The following KLHL36 variants were observed in gnomAD, a reference collection of about 807,000 sequenced individuals.
KLHL36 encodes the protein kelch-like protein 36.
KLHL36 carries 35 observed loss-of-function variants against 53.3 expected under a neutral mutation model. That is an observed-to-expected ratio of 0.66 (90% CI 0.50 to 0.87). The LOEUF is 0.87. Ranked by LOEUF, KLHL36 falls within the 40% of genes least tolerant of loss-of-function variation. KLHL36 has a pLI of 0.00. For missense variants in KLHL36, 864 were observed against 897.6 expected (o/e 0.96, Z 0.48); for synonymous variants, 472 against 398.9 (o/e 1.18, Z -2.18).
chr16:84,650,813 G>A (rs904057070), intron 1 of KLHL36, 39 bp from the exon 2 acceptor site: 1 of 1,458,306 alleles, frequency 6.9e-7, no homozygotes, highest in Non-Finnish European at 9.6e-7. Flanking sequence ...ATGACCTAGA[G>A]TTATGACTGC....
chr16:84,649,034 G>C (rs1906648299), intron 1 of KLHL36: 1 of 152,232 alleles, frequency 6.6e-6, no homozygotes, highest in African/African-American at 2.4e-5. Flanking sequence ...CCGGCGAGCC[G>C]GTGTCAGCAG....
intron 4 of KLHL36, 93 bp downstream of exon 4, chr16:84,660,010 TC>T (rs1907455043): frequency 1.6e-6 from 2 of 1,233,478 alleles, no homozygotes; most frequent in Non-Finnish European, 2.3e-6. Context: ...CATGTTGGCC[TC>T]CAATTCCAGG....
intron 2 of KLHL36, 134 bp from the exon 3 acceptor site, chr16:84,656,737 G>T (rs1163748566): frequency 1.5e-6 from 1 of 672,708 alleles, no homozygotes; most frequent in East Asian, 2.5e-5. Context: ...ACTTCCTGCA[G>T]TGCCCTCTGA....
Position 84,657,804 on chromosome 16 carries a change from G to C in KLHL36, c.997G>C (p.Ala333Pro). 6.2e-7 allele frequency: 1 copy of C among 1,605,594 alleles called. No homozygotes were observed. The highest frequency in any genetic ancestry group is 8.5e-7 in the Non-Finnish European group (1 of 1,174,696). The change falls in exon 3 of 5, where the codon GCC becomes CCC. Residue 333 changes from alanine to proline, a missense_variant. Transcript: ENST00000564996. ...GTGGGTCAAAGAGACGCCGCTGCCC[G>C]CCCGGCGGAGCCACCACTGTGTCGC... Reference protein sequence around the residue: ...EQWVKETPLPARRSHHCVAVL... With the variant: ...EQWVKETPLPPRRSHHCVAVL...
chr16:84,659,795 C>T lies in KLHL36; in HGVS notation c.1173C>T (p.Tyr391=), dbSNP rs1489119021. 1 of 1,614,170 alleles carries T rather than the reference C, an allele frequency of 6.2e-7. No individual in the cohort carries two copies. Among genetic ancestry groups the T allele is most frequent in the South Asian group, 1.1e-5 (1 of 91,088 alleles). ...TGAACCAGCGCCGTGTGGATTTCTA[C>T]CTTGCCTCCATCGAAGACATGCTGG... The part of the protein sequence containing the change: ...ASMNQRRVDF[Y]LASIEDMLVA... The change falls in exon 4 of 5, where the codon TAC becomes TAT. Residue 391 remains tyrosine, a synonymous_variant. Transcript: ENST00000564996.
chr16:84,649,659 C>T (rs1316976565), intron 1 of KLHL36, among the ~76,000 whole-genome samples: 1 of 152,210 alleles, frequency 6.6e-6, no homozygotes, highest in South Asian at 2.1e-4. Flanking sequence ...ATCCAGTTGC[C>T]CCTTCTCTCC....
chr16:84,655,929 G>A (rs1310895456), intron 2 of KLHL36, among the ~76,000 whole-genome samples: 1 of 151,354 alleles, frequency 6.6e-6, no homozygotes, highest in Non-Finnish European at 1.5e-5. Context: ...GTTTCTTTTT[G>A]TCGTCCAGGC....
intron 2 of KLHL36, among the ~76,000 whole-genome samples, chr16:84,652,989 G>A (rs1197504078): frequency 2.6e-5 from 4 of 152,134 alleles, no homozygotes; most frequent in Admixed American, 6.5e-5. Context: ...AGGCCGAGGC[G>A]GGAGGATCTC....
chr16:84,651,419 G>A (rs1906870690), intron 2 of KLHL36, among the ~76,000 whole-genome samples: 1 of 152,144 alleles, frequency 6.6e-6, no homozygotes, highest in African/African-American at 2.4e-5. Context: ...GTTCCCCAGA[G>A]CCAGGCTACT....
chr16:84,652,213 G>A (rs780156020), intron 2 of KLHL36, among the ~76,000 whole-genome samples: 4 of 152,020 alleles, frequency 2.6e-5, no homozygotes, highest in African/African-American at 4.8e-5. Flanking sequence ...CCCTGAGTTT[G>A]TTTCTGTCTG....
At chr16:84,658,121 A>C in intron 3 of KLHL36, 177 bp downstream of exon 3, 1 of 539,254 alleles carries the variant, frequency 1.9e-6, no homozygotes, top group Non-Finnish European at 3.2e-6. Flanking sequence ...AGGGAGAGGG[A>C]GAGCCGACCC....
intron 3 of KLHL36, 68 bp from the exon 4 acceptor site, chr16:84,659,692 C>A: frequency 2.0e-6 from 3 of 1,512,958 alleles, no homozygotes; most frequent in Non-Finnish European, 1.8e-6. Flanking sequence ...ATTTGGGAAC[C>A]GCAGCGCCAG....
At position 84,664,362 on chromosome 16, in the gene KLHL36, ATAGC is replaced by A. The variant is rs1907724611; in HGVS notation, c.*2231_*2234del. 1 of 152,124 alleles carries A rather than the reference ATAGC, an allele frequency of 6.6e-6. No homozygotes were observed. Among genetic ancestry groups the A allele is most frequent in the African/African-American group, 2.4e-5 (1 of 41,386 alleles). 9.4% of individuals were successfully genotyped at this position (152,124 alleles called of 1,614,324 possible). On this transcript the variant is annotated 3_prime_UTR_variant, in exon 5 of 5. Transcript: ENST00000564996. ...CTCTGTGAGTGATTTGGGGAGTGGG[ATAGC>A]TTTGACCTTGGAGAGAGGAGAGCCA... is the stretch of plus-strand genomic sequence containing the variant.
chr16:84,666,794 C>A lies in KLHL36; in HGVS notation c.*4661C>A, dbSNP rs766991181. On this transcript the variant is annotated 3_prime_UTR_variant, in exon 5 of 5. Transcript: ENST00000564996. ...CAAGAAATTGTCCTTTGGGGCCGGG[C>A]GCAGTGGCTCACGCCTGTACTCCCA... is the stretch of plus-strand genomic sequence containing the variant. 2.6e-5 allele frequency: 4 copies of A among 151,998 alleles called. No individual in the cohort carries two copies. The highest frequency in any genetic ancestry group is 6.5e-5 in the Admixed American group (1 of 15,272). The allele number at this position is 151,998 out of a possible 1,614,324, so 9.4% of individuals were successfully genotyped here.
At chr16:84,651,772 A>G (rs1906898744) in intron 2 of KLHL36, among the ~76,000 whole-genome samples, 2 of 152,238 alleles carry the variant, frequency 1.3e-5, no homozygotes, top group Non-Finnish European at 2.9e-5. Context: ...ACACAATTAT[A>G]CATACAGTAC....
chr16:84,654,375 C>T (rs567294361), intron 2 of KLHL36, among the ~76,000 whole-genome samples: 2 of 152,232 alleles, frequency 1.3e-5, no homozygotes, highest in African/African-American at 4.8e-5. Context: ...AGGCCTAGCA[C>T]GGTGGCTTAT....
intron 2 of KLHL36, among the ~76,000 whole-genome samples, chr16:84,653,840 CAAAA>C (rs67608719): frequency 9.8e-5 from 11 of 111,794 alleles, no homozygotes; most frequent in Non-Finnish European, 1.4e-4. Flanking sequence ...GCTCTGTATC[CAAAA>C]AAAAAAAAAA....
rs933785145 is a variant in KLHL36, at chr16:84,657,823, G to C, written c.1016G>C (p.Cys339Ser). The C allele has an allele frequency of 1.2e-6, 2 of 1,606,676 alleles. No individual in the cohort carries two copies. Among genetic ancestry groups the C allele is most frequent in the African/African-American group, 1.3e-5 (1 of 74,824 alleles). ...CTGCCCGCCCGGCGGAGCCACCACT[G>C]TGTCGCGGTGCTGGGGGGCTTCATC... ...TPLPARRSHHCVAVLGGFIFI... is the reference protein window; with the variant it reads ...TPLPARRSHHSVAVLGGFIFI... Residue 339 changes from cysteine (C) to serine (S), a missense_variant, in exon 3 of 5, where the codon TGT (cysteine) becomes TCT (serine). Coordinates refer to ENST00000564996, the MANE Select transcript of KLHL36 (RefSeq NM_024731.4).
Position 84,667,565 on chromosome 16 carries a change from T to C in KLHL36, c.*5432T>C, listed in dbSNP as rs904648218. The stretch of plus-strand genomic sequence containing the variant: ...AAATAATTTGCTTGCTAGGGTATGG[T>C]TTATTTTATAATTACATTCCTAGTC... On this transcript the variant is annotated 3_prime_UTR_variant, in exon 5 of 5. Transcript: ENST00000564996. 1 of 152,198 alleles carries C rather than the reference T, an allele frequency of 6.6e-6. No individual in the cohort carries two copies. Among genetic ancestry groups the C allele is most frequent in the African/African-American group, 2.4e-5 (1 of 41,436 alleles). 9.4% of individuals were successfully genotyped at this position (152,198 alleles called of 1,614,324 possible).
Sources: allele counts gnomAD v4.1 joint callset (sites outside exome capture counted in the v4.1 genomes callset), GRCh38; gene constraint gnomAD v4.1.1; transcripts MANE v1.5; gene names NCBI Gene and HGNC (gene_info 2026-07-23, HGNC 2026-07-21).